SEC23B: variants seen among roughly 807,000 people sequenced by gnomAD.
SEC23B encodes protein transport protein Sec23B.
Under a neutral mutation model 104.3 loss-of-function variants are expected in SEC23B, and 77 were observed. The observed-to-expected ratio is 0.74, with a 90% CI of 0.61 to 0.89. SEC23B has a LOEUF of 0.89. Among genes scored for constraint, SEC23B ranks in the 40% least tolerant of loss-of-function variants. The pLI is 0.00. For missense variants in SEC23B, 885 were observed against 949.4 expected (o/e 0.93, Z 0.89); for synonymous variants, 338 against 332.5 (o/e 1.02, Z -0.18).
Position 18,543,113 on chromosome 20 carries a change from G to A in SEC23B, c.1606G>A (p.Ala536Thr). ...GATGGCACGGCTTGGGGTGTTCCGA[G>A]CGGAGTCAGAGGAGGGGCCCGATGT... The part of the protein sequence containing the change: ...VLMARLGVFR[A>T]ESEEGPDVLR... Residue 536 changes from alanine to threonine, a missense_variant, in exon 14 of 20, where the codon GCG becomes ACG. Transcript: ENST00000650089. The A allele has an allele frequency of 6.2e-7, 1 of 1,614,194 alleles. No homozygotes were observed. The highest frequency in any genetic ancestry group is 8.5e-7 in the Non-Finnish European group (1 of 1,180,040).
intron 13 of SEC23B, among the ~76,000 whole-genome samples, chr20:18,542,699 A>G (rs932209686): frequency 1.3e-5 from 2 of 152,156 alleles, no homozygotes; most frequent in Admixed American, 1.3e-4. Flanking sequence ...CAGTGGCACA[A>G]TCACAGCTCA....
At chr20:18,519,535 A>G (rs1005031662) in intron 4 of SEC23B, among the ~76,000 whole-genome samples, 1 of 152,214 alleles carries the variant, frequency 6.6e-6, no homozygotes, top group Admixed American at 6.5e-5. Context: ...CAAAAAGGCT[A>G]CAGTGCGCGG....
intron 12 of SEC23B, 24 bp from the exon 13 acceptor site, chr20:18,542,272 A>G (rs1310460571): frequency 1.1e-5 from 18 of 1,602,858 alleles, no homozygotes; most frequent in Non-Finnish European, 1.5e-5. Flanking sequence ...ATAACAGACA[A>G]GGTTATGGCC....
At position 18,554,967 on chromosome 20, in the gene SEC23B, CA is replaced by C; in HGVS notation, c.2149-139del. 2.9e-5 allele frequency: 2 copies of C among 69,434 alleles called. 1 individual carries two copies. The highest frequency in any genetic ancestry group is 8.7e-5 in the Non-Finnish European group (2 of 22,900). The allele number at this position is 69,434 out of a possible 1,614,324, so 4.3% of individuals were successfully genotyped here. A position where few individuals can be genotyped will look rare whatever the true frequency, so the allele number is the denominator to read the frequency against. ...AGAAATAGATTACTGTGCAGTAAAA[CA>C]ATTCTAATTAGATTACTGTGCAGTA... On this transcript the variant is annotated intron_variant, in intron 18 of 19. Coordinates refer to ENST00000650089, the MANE Select transcript of SEC23B (RefSeq NM_006363.6).
chr20:18,556,705 T>G (rs139193353), intron 19 of SEC23B, among the ~76,000 whole-genome samples: 38 of 152,300 alleles, frequency 2.5e-4, no homozygotes, highest in African/African-American at 9.1e-4. Flanking sequence ...AGTAGGTTTT[T>G]AAAAACTCTT....
chr20:18,548,391 T>G (rs2060353508), intron 15 of SEC23B, among the ~76,000 whole-genome samples: 1 of 152,240 alleles, frequency 6.6e-6, no homozygotes, highest in African/African-American at 2.4e-5. Context: ...TCTAGAATTT[T>G]TCACTTTGCA....
chr20:18,559,013 A>C (rs1400418571), intron 19 of SEC23B, among the ~76,000 whole-genome samples: 2 of 128,508 alleles, frequency 1.6e-5, no homozygotes, highest in African/African-American at 6.0e-5. Context: ...GAGACCCTGG[A>C]TCTTATTTAA....
intron 4 of SEC23B, among the ~76,000 whole-genome samples, chr20:18,523,398 T>TTTC (rs1436852687): frequency 1.7e-3 from 30 of 18,014 alleles, no homozygotes; most frequent in African/African-American, 2.7e-3. Flanking sequence ...CTTTCCTTTC[T>TTTC]TTTTTTTTTT....
chr20:18,521,926 G>A (rs1286744713), intron 4 of SEC23B, among the ~76,000 whole-genome samples: 2 of 152,158 alleles, frequency 1.3e-5, no homozygotes, highest in Non-Finnish European at 2.9e-5. Context: ...CTTGTAGGAT[G>A]GAGAAATCAA....
chr20:18,526,163 A>G (rs920192374), intron 7 of SEC23B, among the ~76,000 whole-genome samples: 1 of 152,206 alleles, frequency 6.6e-6, no homozygotes, highest in Non-Finnish European at 1.5e-5. Context: ...GGAGCACTCA[A>G]ACAGCGAATT....
intron 16 of SEC23B, among the ~76,000 whole-genome samples, chr20:18,550,172 T>G (rs2060374763): frequency 6.6e-6 from 1 of 150,994 alleles, no homozygotes. Flanking sequence ...AACGTATTTT[T>G]TTTTGAGATG....
At chr20:18,516,510 CT>C (rs77850208) in intron 4 of SEC23B, among the ~76,000 whole-genome samples, 100,883 of 147,614 alleles carry the variant, frequency 0.68, 35,765 homozygotes, top group Non-Finnish European at 0.8. Flanking sequence ...GACATTGTTT[CT>C]TTTTTTTAAA....
chr20:18,508,572 G>A (rs2059952374), intron 1 of SEC23B, among the ~76,000 whole-genome samples: 2 of 152,066 alleles, frequency 1.3e-5, no homozygotes, highest in Admixed American at 6.5e-5. Flanking sequence ...GATGATTAGT[G>A]GACCTTCTAT....
At chr20:18,520,565 G>A (rs545343404) in intron 4 of SEC23B, among the ~76,000 whole-genome samples, 3 of 152,140 alleles carry the variant, frequency 2.0e-5, no homozygotes, top group South Asian at 2.1e-4. Flanking sequence ...AAAATGTCTC[G>A]ACCTAATAAG....
chr20:18,507,767 T>C (rs1309402158), upstream of SEC23B: 2 of 152,378 alleles, frequency 1.3e-5, no homozygotes, highest in Non-Finnish European at 2.9e-5. Context: ...TACACCTGTC[T>C]TGCCCTGTTC....
chr20:18,533,914 G>T (rs1009478870), intron 11 of SEC23B, among the ~76,000 whole-genome samples: 2 of 152,176 alleles, frequency 1.3e-5, no homozygotes, highest in South Asian at 4.1e-4. Flanking sequence ...GTTTAAGAAG[G>T]TATTTTTATG....
At chr20:18,552,630 A>G (rs905105214) in intron 17 of SEC23B, among the ~76,000 whole-genome samples, 4 of 152,218 alleles carry the variant, frequency 2.6e-5, no homozygotes, top group Admixed American at 6.5e-5. Context: ...TCTGGCCAAC[A>G]TAGCGAAACC....
rs759552245 is a variant in SEC23B, at chr20:18,548,725, G to A, written c.1860G>A (p.Met620Ile). 6.2e-7 allele frequency: 1 copy of A among 1,614,138 alleles called. No homozygotes were observed. The highest frequency in any genetic ancestry group is 1.1e-5 in the South Asian group (1 of 91,088). Residue 620 changes from methionine to isoleucine, a missense_variant, in exon 16 of 20, where the codon ATG becomes ATA. Physicochemically the swap from Met to Ile is conservative, Grantham distance 10. Coordinates refer to ENST00000650089, the MANE Select transcript of SEC23B (RefSeq NM_006363.6). ...ARQDLTQSLI[M>I]IQPILYSYSF... ...AGGACCTGACCCAGTCCCTCATCAT[G>A]ATCCAGCCCATTCTCTACTCTTACT...
In SEC23B at chr20:18,531,988, T is replaced by C. The variant is rs951077409; in HGVS notation, c.1234-676T>C. 2.6e-5 allele frequency among the ~76,000 whole-genome samples: 4 copies of C among 152,210 alleles called. No homozygotes were observed. The South Asian group carries it at 6.2e-4, about 24-fold the overall frequency. The stretch of plus-strand genomic sequence containing the variant: ...CGGGAAAATCACATGTGCCCAGGAG[T>C]TTGAGGCTGCAGTGAGCTATGATCA... On this transcript the variant is annotated intron_variant, in intron 10 of 19. Coordinates refer to ENST00000650089, the MANE Select transcript of SEC23B (RefSeq NM_006363.6).
Sources: gnomAD v4.1 joint callset for allele counts (sites outside exome capture counted in the v4.1 genomes callset) on GRCh38, gnomAD v4.1.1 for gene constraint, MANE v1.5 for transcripts, NCBI Gene and HGNC (gene_info 2026-07-23, HGNC 2026-07-21) for gene names.